Variants in VTA1 observed in about 807,000 individuals in gnomAD.
The protein encoded by VTA1 is vacuolar protein sorting-associated protein VTA1 homolog.
Under a neutral mutation model 36.9 loss-of-function variants are expected in VTA1, and 24 were observed. The ratio of observed to expected loss-of-function variants is 0.65; its 90% CI spans 0.47 to 0.91. The LOEUF is 0.91. Among genes scored for constraint, VTA1 ranks in the 40% least tolerant of loss-of-function variants. The pLI is 0.00. For missense variants in VTA1, 393 were observed against 377.2 expected (o/e 1.04, Z -0.35); for synonymous variants, 142 against 130.2 (o/e 1.09, Z -0.62).
At chr6:142,162,512 T>G (rs1774830281) in intron 1 of VTA1, among the ~76,000 whole-genome samples, 2 of 152,142 alleles carry the variant, frequency 1.3e-5, no homozygotes. Context: ...TATGATTGGG[T>G]AAGTTGGTTG....
chr6:142,171,608 A>C (rs1216653424), intron 4 of VTA1, among the ~76,000 whole-genome samples: 1 of 152,186 alleles, frequency 6.6e-6, no homozygotes, highest in Non-Finnish European at 1.5e-5. Flanking sequence ...TAAATGACAA[A>C]TTTACTACTT....
At chr6:142,150,697 T>A (rs1001839918) in intron 1 of VTA1, among the ~76,000 whole-genome samples, 2 of 151,990 alleles carry the variant, frequency 1.3e-5, no homozygotes, top group African/African-American at 4.8e-5. Flanking sequence ...AAATAAACCT[T>A]CATTCGGGAG....
Position 142,189,530 on chromosome 6 carries a change from T to C in VTA1, c.516T>C (p.Asp172=), listed in dbSNP as rs1179091736. 3 of 1,582,668 alleles carry C rather than the reference T, an allele frequency of 1.9e-6. No homozygotes were observed. In the Admixed American group the frequency reaches 5.1e-5, roughly 27 times the overall value. Residue 172 remains aspartate (D), a synonymous_variant, in exon 5 of 8, where the codon GAT becomes GAC. Transcript: ENST00000367630. ...PQAGPVGIEE[D]NDIEENEDAG... is the part of the protein sequence containing the mutation. ...CAGGCCCTGTTGGAATTGAAGAAGA[T>C]AATGGTATGTATTTATTTATTCTGA... is the stretch of plus-strand genomic sequence containing the variant.
chr6:142,165,776 A>T (rs1294496699), intron 1 of VTA1, among the ~76,000 whole-genome samples: 1 of 152,196 alleles, frequency 6.6e-6, no homozygotes, highest in Non-Finnish European at 1.5e-5. Context: ...AAGAGAGAGT[A>T]TATGTAAAAT....
intron 1 of VTA1, among the ~76,000 whole-genome samples, chr6:142,164,671 A>G (rs1562257214): frequency 1.3e-5 from 2 of 152,230 alleles, no homozygotes; most frequent in South Asian, 4.1e-4. Context: ...ATAAAGCTCT[A>G]GTAAATTAAA....
intron 1 of VTA1, among the ~76,000 whole-genome samples, chr6:142,147,703 T>C (rs1393208902): frequency 6.6e-6 from 1 of 152,228 alleles, no homozygotes; most frequent in Non-Finnish European, 1.5e-5. Flanking sequence ...GAGCTTCTTG[T>C]CTCAAATAGG....
intron 4 of VTA1, among the ~76,000 whole-genome samples, chr6:142,186,875 G>A (rs1775351151): frequency 6.6e-6 from 1 of 152,040 alleles, no homozygotes; most frequent in African/African-American, 2.4e-5. Flanking sequence ...AATCTGGTAG[G>A]TGGTGTAATG....
intron 2 of VTA1, among the ~76,000 whole-genome samples, chr6:142,166,978 G>A (rs225659): frequency 0.36 from 54,879 of 151,936 alleles, 11,254 homozygotes; most frequent in Middle Eastern, 0.53. Flanking sequence ...ATTAATTTGG[G>A]AATCTTAATA....
intron 1 of VTA1, among the ~76,000 whole-genome samples, chr6:142,150,244 G>A (rs1220999407): frequency 6.6e-6 from 1 of 152,146 alleles, no homozygotes; most frequent in Non-Finnish European, 1.5e-5. Context: ...CTTTTCAACA[G>A]AACACTGCTC....
At chr6:142,195,615 T>A (rs1012602295) in intron 5 of VTA1, among the ~76,000 whole-genome samples, 3 of 109,716 alleles carry the variant, frequency 2.7e-5, no homozygotes, top group Non-Finnish European at 4.0e-5. Context: ...TTTTTTTTTT[T>A]AGCTTCTTAG....
intron 7 of VTA1, among the ~76,000 whole-genome samples, chr6:142,207,017 A>T (rs1436329667): frequency 6.6e-6 from 1 of 152,184 alleles, no homozygotes; most frequent in East Asian, 1.9e-4. Flanking sequence ...GTGTAGAAGC[A>T]TACTGGCTTC....
chr6:142,147,272 T>C lies in VTA1; in HGVS notation c.-16T>C. On this transcript the variant is annotated 5_prime_UTR_variant, in exon 1 of 8. Transcript: ENST00000367630. ...CCGGTGGAGCGCGAGTAGGAAGTGG[T>C]GAGTTCGGAGTAGAGATGGCCGCGC... The C allele has an allele frequency of 6.2e-7, 1 of 1,613,848 alleles. No individual in the cohort carries two copies. The highest frequency in any genetic ancestry group is 1.7e-4 in the Middle Eastern group (1 of 6,058).
intron 5 of VTA1, among the ~76,000 whole-genome samples, chr6:142,193,199 T>C (rs558740079): frequency 2.0e-5 from 3 of 152,102 alleles, no homozygotes; most frequent in South Asian, 4.1e-4. Context: ...TTGTCTGATA[T>C]TGCCTCATAA....
intron 4 of VTA1, among the ~76,000 whole-genome samples, chr6:142,178,385 TA>T (rs1380337173): frequency 6.6e-6 from 1 of 152,078 alleles, no homozygotes; most frequent in East Asian, 1.9e-4. Flanking sequence ...ATGAAGGTTT[TA>T]AAAAAACATT....
At chr6:142,205,521 C>G (rs1368244195) in intron 7 of VTA1, among the ~76,000 whole-genome samples, 1 of 152,000 alleles carries the variant, frequency 6.6e-6, no homozygotes, top group Non-Finnish European at 1.5e-5. Context: ...TTTTAAGGAA[C>G]TTAACTCAGG....
intron 6 of VTA1, among the ~76,000 whole-genome samples, chr6:142,202,576 G>T (rs992773085): frequency 1.3e-5 from 2 of 151,946 alleles, no homozygotes; most frequent in African/African-American, 4.8e-5. Context: ...TAAAACTAAA[G>T]TATAGTATGC....
At chr6:142,168,154 TGATGAA>T (rs1774956929) in intron 2 of VTA1, among the ~76,000 whole-genome samples, 1 of 152,244 alleles carries the variant, frequency 6.6e-6, no homozygotes, top group African/African-American at 2.4e-5. Context: ...AGGTATTTTC[TGATGAA>T]GATGAGATGA....
chr6:142,164,484 C>T (rs369834625), intron 1 of VTA1, among the ~76,000 whole-genome samples: 4 of 151,954 alleles, frequency 2.6e-5, no homozygotes, highest in African/African-American at 9.7e-5. Context: ...ATGAGATAGC[C>T]CTCAAAGCCT....
intron 4 of VTA1, among the ~76,000 whole-genome samples, chr6:142,172,796 A>G (rs1775052569): frequency 6.6e-6 from 1 of 152,180 alleles, no homozygotes; most frequent in Admixed American, 6.5e-5. Flanking sequence ...GTGAAGAAGA[A>G]TAGTGAGAAT....
Sources: allele counts gnomAD v4.1 joint callset (sites outside exome capture counted in the v4.1 genomes callset), GRCh38; gene constraint gnomAD v4.1.1; transcripts MANE v1.5; gene names NCBI Gene and HGNC (gene_info 2026-07-23, HGNC 2026-07-21).